Variants in SLC10A7 observed in about 807,000 individuals in gnomAD.
The protein encoded by SLC10A7 is sodium/bile acid cotransporter 7.
A neutral mutation model predicts 43.2 loss-of-function variants in SLC10A7; 29 were observed. The observed-to-expected ratio is 0.67, with a 90% confidence interval of 0.50 to 0.92. The LOEUF is 0.92. Among genes scored for constraint, SLC10A7 ranks in the 40% least tolerant of loss-of-function variants. The pLI, the probability that SLC10A7 is intolerant of heterozygous loss-of-function variation, is 0.00. For missense variants in SLC10A7, 295 were observed against 403.2 expected (o/e 0.73, Z 2.30); for synonymous variants, 152 against 144.8 (o/e 1.05, Z -0.35).
chr4:146,374,362 G>A (rs1418733472), intron 5 of SLC10A7, among the ~76,000 whole-genome samples: 1 of 151,780 alleles, frequency 6.6e-6, no homozygotes, highest in Non-Finnish European at 1.5e-5. Flanking sequence ...GCCGAGGCAG[G>A]CAGATCACTT....
chr4:146,492,605 C>T (rs1397242073), intron 4 of SLC10A7, among the ~76,000 whole-genome samples: 1 of 152,096 alleles, frequency 6.6e-6, no homozygotes, highest in Non-Finnish European at 1.5e-5. Flanking sequence ...CTCCTAAGCT[C>T]GTGATCCACT....
At chr4:146,343,644 A>G (rs1310750611) in intron 5 of SLC10A7, among the ~76,000 whole-genome samples, 2 of 152,054 alleles carry the variant, frequency 1.3e-5, no homozygotes, top group Admixed American at 6.6e-5. Flanking sequence ...AAAGAGAAGT[A>G]CAGATTTAGT....
intron 5 of SLC10A7, among the ~76,000 whole-genome samples, chr4:146,345,591 G>T (rs1734565167): frequency 6.6e-6 from 1 of 152,010 alleles, no homozygotes; most frequent in Non-Finnish European, 1.5e-5. Context: ...TGCCATTATA[G>T]ATTCCCCCTA....
intron 4 of SLC10A7, among the ~76,000 whole-genome samples, chr4:146,482,512 T>C (rs780294954): frequency 2.6e-5 from 4 of 151,748 alleles, no homozygotes; most frequent in Non-Finnish European, 2.9e-5. Context: ...GCACACTCCA[T>C]TGAGCAGAAG....
chr4:146,268,794 C>T (rs1728719790), intron 10 of SLC10A7, among the ~76,000 whole-genome samples: 1 of 152,172 alleles, frequency 6.6e-6, no homozygotes, highest in Non-Finnish European at 1.5e-5. Flanking sequence ...GCTCTAGAGT[C>T]TGTGCTCCTC....
At chr4:146,300,902 C>T (rs4835292) in intron 7 of SLC10A7, among the ~76,000 whole-genome samples, 34,392 of 151,924 alleles carry the variant, frequency 0.23, 4,205 homozygotes, top group African/African-American at 0.32. Flanking sequence ...GGGAAAATTA[C>T]TGCTGGGCGC....
At chr4:146,521,063 T>C (rs1738587357) in intron 1 of SLC10A7, among the ~76,000 whole-genome samples, 1 of 152,048 alleles carries the variant, frequency 6.6e-6, no homozygotes, top group Non-Finnish European at 1.5e-5. Flanking sequence ...TGTAATGAAG[T>C]GTCCTGTAAT....
intron 4 of SLC10A7, among the ~76,000 whole-genome samples, chr4:146,450,244 T>C (rs1453123377): frequency 6.6e-6 from 1 of 152,120 alleles, no homozygotes; most frequent in South Asian, 2.1e-4. Context: ...TGTACATACT[T>C]TTTTTCTTGT....
At chr4:146,469,110 T>C (rs568886006) in intron 4 of SLC10A7, among the ~76,000 whole-genome samples, 3 of 152,288 alleles carry the variant, frequency 2.0e-5, no homozygotes, top group South Asian at 2.1e-4. Context: ...GAGAGGCTAA[T>C]GGCTTCTAGG....
chr4:146,290,157 T>C (rs1411628069), intron 9 of SLC10A7, among the ~76,000 whole-genome samples: 3 of 150,722 alleles, frequency 2.0e-5, no homozygotes, highest in Non-Finnish European at 4.4e-5. Flanking sequence ...ACCCCATCTC[T>C]ACTAAAAATA....
At chr4:146,288,309 T>A (rs1029588911) in intron 9 of SLC10A7, among the ~76,000 whole-genome samples, 3 of 152,180 alleles carry the variant, frequency 2.0e-5, no homozygotes, top group African/African-American at 7.2e-5. Context: ...GGTGGTAAAT[T>A]ACCACAGCAT....
At chr4:146,397,692 A>C (rs1040919928) in intron 5 of SLC10A7, among the ~76,000 whole-genome samples, 12 of 152,228 alleles carry the variant, frequency 7.9e-5, no homozygotes, top group African/African-American at 2.4e-4. Context: ...ACACTGAAGC[A>C]GTGTTGAAAC....
At chr4:146,304,315 C>G (rs1340808034) in intron 7 of SLC10A7, among the ~76,000 whole-genome samples, 1 of 151,478 alleles carries the variant, frequency 6.6e-6, no homozygotes, top group Non-Finnish European at 1.5e-5. Context: ...TTGTTCCCAA[C>G]AATGGTCATA....
chr4:146,367,301 A>C (rs1242266230), intron 5 of SLC10A7, among the ~76,000 whole-genome samples: 1 of 151,802 alleles, frequency 6.6e-6, no homozygotes, highest in Admixed American at 6.6e-5. Context: ...AGTGCTGTCC[A>C]ATAGAACTTT....
intron 4 of SLC10A7, among the ~76,000 whole-genome samples, chr4:146,495,766 AACACACACAC>A (rs57202992): frequency 3.4e-4 from 47 of 139,626 alleles, no homozygotes; most frequent in East Asian, 1.5e-3. Flanking sequence ...GATGAAAGTA[AACACACACAC>A]ACACACACAC....
chr4:146,325,130 A>G (rs1232281508), intron 6 of SLC10A7, among the ~76,000 whole-genome samples: 3 of 152,210 alleles, frequency 2.0e-5, no homozygotes, highest in Non-Finnish European at 4.4e-5. Flanking sequence ...ACTGATAAAT[A>G]GTGTTAGTCA....
intron 5 of SLC10A7, among the ~76,000 whole-genome samples, chr4:146,359,370 A>C (rs916999488): frequency 2.6e-5 from 4 of 152,152 alleles, no homozygotes; most frequent in Non-Finnish European, 5.9e-5. Flanking sequence ...TTCAATAAAT[A>C]GATGTTTTTA....
At chr4:146,309,386 A>C (rs1560785531) in intron 6 of SLC10A7, among the ~76,000 whole-genome samples, 3 of 152,148 alleles carry the variant, frequency 2.0e-5, no homozygotes. Context: ...ATGTTAGCAC[A>C]TCAGAAACAT....
chr4:146,297,265 T>G (rs1284879295), intron 7 of SLC10A7, among the ~76,000 whole-genome samples: 1 of 152,204 alleles, frequency 6.6e-6, no homozygotes, highest in East Asian at 1.9e-4. Flanking sequence ...TTTATTTTGT[T>G]GTCTCACCTT....
Sources: gnomAD v4.1 joint callset for allele counts (sites outside exome capture counted in the v4.1 genomes callset) on GRCh38, gnomAD v4.1.1 for gene constraint, MANE v1.5 for transcripts, NCBI Gene and HGNC (gene_info 2026-07-23, HGNC 2026-07-21) for gene names.